The following CTBP2 variants were observed in gnomAD, a reference collection of about 807,000 sequenced individuals.
CTBP2 encodes the protein C-terminal binding protein 2, also known as C-terminal-binding protein 2.
Under a neutral mutation model 80.3 loss-of-function variants are expected in CTBP2, and 30 were observed. The ratio of observed to expected loss-of-function variants is 0.37; its 90% CI spans 0.28 to 0.51. CTBP2 has a LOEUF of 0.51. CTBP2 is among the 20% of genes least tolerant of loss of function. CTBP2 has a pLI of 0.93. For missense variants in CTBP2, 1,212 were observed against 1,375.3 expected, an observed-to-expected ratio of 0.88 and a Z score of 1.88; for synonymous variants, 594 against 587.4, an observed-to-expected ratio of 1.01 and a Z score of -0.16.
chr10:125,146,736 C>G (rs1469888587), intron 1 of CTBP2, among the ~76,000 whole-genome samples: 1 of 152,172 alleles, frequency 6.6e-6, no homozygotes, highest in Non-Finnish European at 1.5e-5. Context: ...ACTATTCACA[C>G]CTGGAGCCCC....
At chr10:125,074,172 A>C (rs955566942) in intron 2 of CTBP2, among the ~76,000 whole-genome samples, 5 of 152,140 alleles carry the variant, frequency 3.3e-5, no homozygotes, top group African/African-American at 1.2e-4. Context: ...CTCAAGGCAA[A>C]GTCTCCTGAA....
chr10:125,102,111 A>AGATTAAGC (rs1229444905), intron 2 of CTBP2, among the ~76,000 whole-genome samples: 1 of 152,146 alleles, frequency 6.6e-6, no homozygotes, highest in Non-Finnish European at 1.5e-5. Flanking sequence ...CACAACTCTG[A>AGATTAAGC]GATTAAGCAC....
intron 1 of CTBP2, among the ~76,000 whole-genome samples, chr10:125,141,288 T>C (rs1034862339): frequency 1.3e-5 from 2 of 152,152 alleles, no homozygotes; most frequent in Non-Finnish European, 2.9e-5. Flanking sequence ...CGCCTTCTCA[T>C]TACCTCCTCC....
chr10:125,101,731 C>CT (rs1489143848), intron 2 of CTBP2, among the ~76,000 whole-genome samples: 1 of 152,194 alleles, frequency 6.6e-6, no homozygotes, highest in Non-Finnish European at 1.5e-5. Context: ...CAGGTACCGG[C>CT]TTGGAGAGAT....
intron 1 of CTBP2, among the ~76,000 whole-genome samples, chr10:125,150,641 A>C (rs1859663936): frequency 2.0e-5 from 3 of 151,718 alleles, no homozygotes; most frequent in African/African-American, 4.8e-5. Context: ...GTGACTAACT[A>C]TCACCTGTGC....
chr10:125,034,587 C>T (rs948439672), intron 3 of CTBP2, among the ~76,000 whole-genome samples: 3 of 151,976 alleles, frequency 2.0e-5, no homozygotes, highest in African/African-American at 4.8e-5. Context: ...TTTTAAAATC[C>T]ACATTTTGGG....
intron 2 of CTBP2, among the ~76,000 whole-genome samples, chr10:125,050,404 T>C (rs1444348084): frequency 6.6e-6 from 1 of 152,226 alleles, no homozygotes; most frequent in Non-Finnish European, 1.5e-5. Flanking sequence ...TGAAATAAAA[T>C]AGCTTGCAGC....
chr10:125,008,960 T>C (rs907213091), intron 1 of CTBP2, among the ~76,000 whole-genome samples: 4 of 152,230 alleles, frequency 2.6e-5, no homozygotes, highest in African/African-American at 7.2e-5. Context: ...CACAAGTTAC[T>C]TCCTCCTTCC....
intron 2 of CTBP2, among the ~76,000 whole-genome samples, chr10:125,068,855 G>A (rs979862172): frequency 6.6e-6 from 1 of 152,192 alleles, no homozygotes; most frequent in Non-Finnish European, 1.5e-5. Context: ...GCTTTGCCCT[G>A]CTGGGGGAAT....
chr10:125,037,540 G>A (rs1327442832), intron 3 of CTBP2, among the ~76,000 whole-genome samples: 1 of 152,152 alleles, frequency 6.6e-6, no homozygotes, highest in African/African-American at 2.4e-5. Flanking sequence ...CAAATCAATG[G>A]GGCCTGGGCT....
chr10:125,026,663 C>G lies in CTBP2; in HGVS notation c.1097G>C (p.Arg366Pro), dbSNP rs564546229. 2 of 1,602,006 alleles carry G rather than the reference C, an allele frequency of 1.2e-6. No individual in the cohort carries two copies. Among genetic ancestry groups the G allele is most frequent in the Admixed American group, 3.4e-5 (2 of 58,208 alleles). The change falls in exon 1 of 9, where the codon CGG (arginine) becomes CCG (proline). Residue 366 changes from arginine to proline, a missense_variant. Physicochemically the swap from Arg to Pro is moderately radical, Grantham distance 103. Around this residue, in one of 3 missense-constraint regions of CTBP2, gnomAD observed 848 missense variants for 782.3 expected, o/e 1.08. Coordinates refer to ENST00000309035, the MANE Select transcript of CTBP2 (RefSeq NM_022802.3). ...GTGGCTGAAGCTGCTGGACCGCGCC[C>G]GGGGCAGCGGGCCCCCCCGGTCCTG...
At chr10:125,022,071 C>G (rs1007032328) in intron 1 of CTBP2, among the ~76,000 whole-genome samples, 6 of 152,252 alleles carry the variant, frequency 3.9e-5, no homozygotes, top group African/African-American at 1.4e-4. Context: ...AGGCCCTTAG[C>G]TGCCCTTGCA....
chr10:125,148,105 G>T (rs1859128394), intron 1 of CTBP2, among the ~76,000 whole-genome samples: 2 of 152,102 alleles, frequency 1.3e-5, no homozygotes, highest in Admixed American at 1.3e-4. Context: ...ACACTTCCTT[G>T]TTTTGCCTCT....
At chr10:125,161,014 T>TAG (rs1861837787), upstream of CTBP2, 2 of 141,084 alleles carry the variant, frequency 1.4e-5, no homozygotes, top group East Asian at 2.2e-4. Flanking sequence ...GCGCAGGAGC[T>TAG]AGGCGGGAGG....
intron 2 of CTBP2, among the ~76,000 whole-genome samples, chr10:125,056,182 T>A (rs1172653971): frequency 0.016 from 2,336 of 147,390 alleles, 63 homozygotes; most frequent in African/African-American, 0.056. Flanking sequence ...AAAATAATAA[T>A]AATAATAATA....
chr10:124,999,463 A>C (rs748673516), intron 3 of CTBP2: 2 of 152,292 alleles, frequency 1.3e-5, no homozygotes, highest in Non-Finnish European at 2.9e-5. Context: ...GGGTGCCACA[A>C]ACCCACTTTC....
At chr10:125,068,751 A>C (rs1436378549) in intron 2 of CTBP2, among the ~76,000 whole-genome samples, 1 of 152,124 alleles carries the variant, frequency 6.6e-6, no homozygotes, top group African/African-American at 2.4e-5. Flanking sequence ...TGAGCACAGG[A>C]CCAGGCCCTG....
intron 1 of CTBP2, among the ~76,000 whole-genome samples, chr10:125,124,730 G>C (rs1432166743): frequency 6.6e-6 from 1 of 152,074 alleles, no homozygotes; most frequent in Non-Finnish European, 1.5e-5. Flanking sequence ...ATGTCTTTGT[G>C]ATGACATTTA....
rs957165248 is a variant in CTBP2, at chr10:125,003,233, G to A, written c.1833+105C>T. 4 of 1,581,346 alleles carry A rather than the reference G, an allele frequency of 2.5e-6. No individual in the cohort carries two copies. The African/African-American group carries it at 5.4e-5, about 22-fold the overall frequency. On this transcript the variant is annotated intron_variant, in intron 2 of 8. Coordinates refer to ENST00000309035, the MANE Select transcript of CTBP2 (RefSeq NM_022802.3). ...GAGTTCAGCAGGAAAGCAGGGAACA[G>A]GGGTTCTGGGGCCTGCCGGTGACTT...
Sources: allele counts gnomAD v4.1 joint callset (sites outside exome capture counted in the v4.1 genomes callset), GRCh38; gene constraint gnomAD v4.1.1; regional missense constraint gnomAD v4.1.1; transcripts MANE v1.5; gene names NCBI Gene and HGNC (gene_info 2026-07-23, HGNC 2026-07-21).